Variants in CST6 observed in about 807,000 individuals in gnomAD.
CST6 encodes the protein cystatin-M.
In CST6, 8 loss-of-function variants were observed where a neutral mutation model predicts 10.7. The observed-to-expected ratio is 0.75, with a 90% CI of 0.44 to 1.34. CST6 has a LOEUF of 1.34. Among genes scored for constraint, CST6 ranks in the 40% most tolerant of loss-of-function variants. CST6 has a pLI of 0.01. For synonymous variants in CST6, 100 were observed against 89.3 expected, an observed-to-expected ratio of 1.12 and a Z score of -0.68; for missense variants, 206 against 205.1, an observed-to-expected ratio of 1.00 and a Z score of -0.03.
chr11:66,012,674 ACCCCCCCC>A (rs1420287294), intron 1 of CST6, 144 bp from the exon 2 acceptor site: 13 of 41,498 alleles, frequency 3.1e-4, no homozygotes, highest in South Asian at 1.3e-3. Flanking sequence ...TCCCCCCCCC[ACCCCCCCC>A]CACCCCCCCC....
chr11:66,013,214 C>T (rs780108618), intron 2 of CST6, 103 bp from the exon 3 acceptor site: 1 of 1,133,904 alleles, frequency 8.8e-7, no homozygotes, highest in Non-Finnish European at 1.3e-6. Flanking sequence ...GTGATTGTCC[C>T]TCTCTTGGCC....
At chr11:66,013,268 A>C in intron 2 of CST6, 49 bp from the exon 3 acceptor site, 2 of 1,527,434 alleles carry the variant, frequency 1.3e-6, no homozygotes, top group East Asian at 4.5e-5. Flanking sequence ...GGGAGGAGAC[A>C]GGTCGAGGCT....
At chr11:66,012,386 A>T in intron 1 of CST6, 102 bp downstream of exon 1, 1 of 1,338,740 alleles carries the variant, frequency 7.5e-7, no homozygotes, top group Non-Finnish European at 1.0e-6. Context: ...CGCAATCGGG[A>T]TATTTTCATG....
intron 2 of CST6, 118 bp from the exon 3 acceptor site, chr11:66,013,199 G>C (rs1368864734): frequency 1.9e-6 from 2 of 1,039,686 alleles, no homozygotes; most frequent in African/African-American, 1.6e-5. Flanking sequence ...ACATCCGTTG[G>C]GTCAGTGATT....
intron 2 of CST6, 37 bp downstream of exon 2, chr11:66,012,988 G>A (rs1366796299): frequency 3.1e-6 from 5 of 1,609,328 alleles, no homozygotes; most frequent in Non-Finnish European, 1.7e-6. Flanking sequence ...GCCCTCCCCA[G>A]AGCCTCAGGC....
chr11:66,013,107 G>A (rs1856187579), intron 2 of CST6, 156 bp downstream of exon 2: 3 of 1,134,632 alleles, frequency 2.6e-6, no homozygotes, highest in Non-Finnish European at 3.9e-6. Flanking sequence ...AAGATGGGGT[G>A]CAGAAAGGAA....
chr11:66,013,237 G>T, intron 2 of CST6, 80 bp from the exon 3 acceptor site: 1 of 1,332,418 alleles, frequency 7.5e-7, no homozygotes, highest in Non-Finnish European at 1.1e-6. Context: ...GAGCAGCCTG[G>T]CAGGCAGAGG....
At position 66,012,944 on chromosome 11, in the gene CST6, A is replaced by G; in HGVS notation, c.359A>G (p.Gln120Arg). 2 of 1,613,392 alleles carry G rather than the reference A, an allele frequency of 1.2e-6. No individual in the cohort carries two copies. The highest frequency in any genetic ancestry group is 1.7e-6 in the Non-Finnish European group (2 of 1,179,826). ...ACTTGCCCCCTGGCAGCAGGGGCGC[A>G]GCAGGAGGTAACAGCTGGGCTCCTC... ...LTTCPLAAGA[Q>R]QEKLRCDFEV... Residue 120 changes from glutamine to arginine, a missense_variant, in exon 2 of 3, where the codon CAG becomes CGG. Gln to Arg is a conservative substitution (Grantham distance 43). Coordinates refer to ENST00000312134, the MANE Select transcript of CST6 (RefSeq NM_001323.4).
Position 66,013,449 on chromosome 11 carries a change from C to A in CST6, c.*49C>A. 1 of 1,439,820 alleles carries A rather than the reference C, an allele frequency of 6.9e-7. No homozygotes were observed. The highest frequency in any genetic ancestry group is 9.8e-7 in the Non-Finnish European group (1 of 1,021,174). The allele number at this position is 1,439,820 out of a possible 1,614,324, so 89.2% of individuals were successfully genotyped here. ...TTGGGTTTGGGGCCATGGTGGAGGG[C>A]ACTTCAGGTCCGTGGGCCGTATCTG... On this transcript the variant is annotated 3_prime_UTR_variant, in exon 3 of 3. Coordinates refer to ENST00000312134, the MANE Select transcript of CST6 (RefSeq NM_001323.4).
rs370451823 is a variant in CST6 at position 66,013,411 on chromosome 11, A to G, written c.*11A>G. On this transcript the variant is annotated 3_prime_UTR_variant, in exon 3 of 3. Transcript: ENST00000312134. Reference sequence around the variant, plus strand: ...TGTGTGCAGATGTGATAAGTCCCCGAGGGCGAAGGCCATTGGGTTTGGGGC... The same window carrying G: ...TGTGTGCAGATGTGATAAGTCCCCGGGGGCGAAGGCCATTGGGTTTGGGGC... 1.2e-6 allele frequency: 2 copies of G among 1,612,970 alleles called. No homozygotes were observed. Among genetic ancestry groups the G allele is most frequent in the African/African-American group, 2.7e-5 (2 of 74,890 alleles).
At chr11:66,012,674 ACC>A (rs1420287294) in intron 1 of CST6, 150 bp from the exon 2 acceptor site, 605 of 41,490 alleles carry the variant, frequency 0.015, 14 homozygotes, top group African/African-American at 0.047. Flanking sequence ...TCCCCCCCCC[ACC>A]CCCCCCCACC....
In CST6 at chr11:66,013,489, C is replaced by T. The variant is rs995034451; in HGVS notation, c.*89C>T. ...GGCCGTATCTGTCACAATAAATGGC[C>T]AGTGCTGCTTCTTGCATTGGTTTCT... On this transcript the variant is annotated 3_prime_UTR_variant, in exon 3 of 3. Coordinates refer to ENST00000312134, the MANE Select transcript of CST6 (RefSeq NM_001323.4). The T allele has an allele frequency of 9.7e-5, 104 of 1,066,720 alleles. No homozygotes were observed. Among genetic ancestry groups the T allele is most frequent in the Middle Eastern group, 2.0e-4 (1 of 5,048 alleles). The allele number at this position is 1,066,720 out of a possible 1,614,324, so 66.1% of individuals were successfully genotyped here. A position where few individuals can be genotyped will look rare whatever the true frequency, so the allele number is the denominator to read the frequency against.
In CST6 at chr11:66,012,919, A is replaced by G. The variant is rs1380029875; in HGVS notation, c.334A>G (p.Thr112Ala). Residue 112 changes from threonine to alanine, a missense_variant, in exon 2 of 3, where the codon ACT becomes GCT. Thr to Ala is a moderately conservative substitution (Grantham distance 58, BLOSUM62 0). Coordinates refer to ENST00000312134, the MANE Select transcript of CST6 (RefSeq NM_001323.4). ...CACTGGAGACCACGTCGACCTCACCACTTGCCCCCTGGCAGCAGGGGCGCA... is the reference window on the plus strand; with the variant it reads ...CACTGGAGACCACGTCGACCTCACCGCTTGCCCCCTGGCAGCAGGGGCGCA... Reference protein sequence around the residue: ...RVTGDHVDLTTCPLAAGAQQE... With the variant: ...RVTGDHVDLTACPLAAGAQQE... The G allele has an allele frequency of 6.2e-7, 1 of 1,613,134 alleles. No individual in the cohort carries two copies. The highest frequency in any genetic ancestry group is 8.5e-7 in the Non-Finnish European group (1 of 1,179,708).
At chr11:66,013,103 G>C in intron 2 of CST6, 152 bp downstream of exon 2, 1 of 1,169,572 alleles carries the variant, frequency 8.6e-7, no homozygotes, top group Non-Finnish European at 1.2e-6. Context: ...GGCCAAGATG[G>C]GGTGCAGAAA....
rs1354863538 is a variant in CST6 at position 66,012,966 on chromosome 11, C to T, written c.366+15C>T. 1 of 1,612,544 alleles carries T rather than the reference C, an allele frequency of 6.2e-7. No individual in the cohort carries two copies. The highest frequency in any genetic ancestry group is 8.5e-7 in the Non-Finnish European group (1 of 1,179,610). On this transcript the variant is annotated intron_variant, in intron 2 of 2. Transcript: ENST00000312134. ...CGCAGCAGGAGGTAACAGCTGGGCT[C>T]CTCCAGCCCCAGCCCTCCCCAGAGC...
intron 1 of CST6, among the ~76,000 whole-genome samples, 155 bp from the exon 2 acceptor site, chr11:66,012,671 C>CACA (rs1856180611): frequency 3.3e-3 from 46 of 14,072 alleles, no homozygotes; most frequent in South Asian, 6.4e-3. Context: ...AACTCCCCCC[C>CACA]CCACCCCCCC....
In CST6 at chr11:66,012,013, C is replaced by T. The variant is rs773267808; in HGVS notation, c.-32C>T. The T allele has an allele frequency of 2.1e-6, 3 of 1,445,876 alleles. No individual in the cohort carries two copies. Among genetic ancestry groups the T allele is most frequent in the Non-Finnish European group, 2.7e-6 (3 of 1,106,572 alleles). The allele number at this position is 1,445,876 out of a possible 1,614,324, so 89.6% of individuals were successfully genotyped here. On this transcript the variant is annotated 5_prime_UTR_variant, in exon 1 of 3. The change creates a new upstream start codon in the 5' untranslated region. Coordinates refer to ENST00000312134, the MANE Select transcript of CST6 (RefSeq NM_001323.4). ...TGCGCGGCCGCAAGCTCGGCACTCA[C>T]GGCTCTGAGGGCTCCGACGGCACTG...
In CST6 at chr11:66,013,379, G is replaced by A. The variant is rs919427413; in HGVS notation, c.429G>A (p.Lys143=). 7 of 1,614,190 alleles carry A rather than the reference G, an allele frequency of 4.3e-6. No homozygotes were observed. The South Asian group carries it at 5.5e-5, about 13-fold the overall frequency. The change falls in exon 3 of 3, where the codon AAG becomes AAA. Residue 143 remains lysine, a synonymous_variant. Transcript: ENST00000312134. ...VPWQNSSQLL[K]HNCVQM is the part of the protein sequence containing the mutation. ...GGCAGAACTCCTCTCAGCTCCTAAAGCACAACTGTGTGCAGATGTGATAAG... is the reference window on the plus strand; with the variant it reads ...GGCAGAACTCCTCTCAGCTCCTAAAACACAACTGTGTGCAGATGTGATAAG...
intron 2 of CST6, 44 bp from the exon 3 acceptor site, chr11:66,013,273 G>C (rs970680006): frequency 5.8e-6 from 9 of 1,562,484 alleles, no homozygotes; most frequent in African/African-American, 5.4e-5. Flanking sequence ...GAGACAGGTC[G>C]AGGCTGGGCT....
Sources: gnomAD v4.1 joint callset for allele counts (sites outside exome capture counted in the v4.1 genomes callset) on GRCh38, gnomAD v4.1.1 for gene constraint, MANE v1.5 for transcripts, NCBI Gene and HGNC (gene_info 2026-07-23, HGNC 2026-07-21) for gene names.